Variants in SNAP91 observed in about 807,000 individuals in gnomAD.
SNAP91 encodes the protein clathrin coat assembly protein AP180.
Under a neutral mutation model 100.3 loss-of-function variants are expected in SNAP91, and 27 were observed. The ratio of observed to expected loss-of-function variants is 0.27; its 90% CI spans 0.20 to 0.37. The LOEUF (loss-of-function observed/expected upper bound fraction) is 0.37, where lower values mean the gene tolerates loss of function less well. Among genes scored for constraint, SNAP91 ranks in the 10% least tolerant of loss-of-function variants. The pLI, the probability that SNAP91 is intolerant of heterozygous loss-of-function variation, is 1.00. For missense variants in SNAP91, 986 were observed against 1,123.7 expected (o/e 0.88, Z 1.75); for synonymous variants, 404 against 398.6 (o/e 1.01, Z -0.16).
chr6:83,586,917 A>G (rs1171639578), intron 22 of SNAP91, among the ~76,000 whole-genome samples: 1 of 151,718 alleles, frequency 6.6e-6, no homozygotes, highest in African/African-American at 2.4e-5. Flanking sequence ...ACTATACTGC[A>G]TGCACCAAAC....
intron 10 of SNAP91, among the ~76,000 whole-genome samples, chr6:83,616,523 G>C (rs2096491882): frequency 6.6e-6 from 1 of 152,086 alleles, no homozygotes; most frequent in Non-Finnish European, 1.5e-5. Context: ...AATAGTTCAA[G>C]TAGGGAGATA....
At chr6:83,686,016 A>G (rs1312564602) in intron 2 of SNAP91, 1 of 215,842 alleles carries the variant, frequency 4.6e-6, no homozygotes, top group Non-Finnish European at 7.9e-6. Flanking sequence ...CTACAAGGAA[A>G]GCATTTTCAG....
intron 2 of SNAP91, among the ~76,000 whole-genome samples, chr6:83,666,493 G>A (rs146632696): frequency 2.8e-3 from 421 of 152,118 alleles, no homozygotes; most frequent in Non-Finnish European, 4.7e-3. Context: ...CCAGTTCCTA[G>A]GCAATCCCAT....
At position 83,694,508 on chromosome 6, in the gene SNAP91, G is replaced by A. The variant is rs575972611; in HGVS notation, c.130+13290C>T. 4.0e-4 allele frequency among the ~76,000 whole-genome samples: 61 copies of A among 152,204 alleles called. 1 individual carries two copies. The highest frequency in any genetic ancestry group is 3.4e-3 in the Middle Eastern group (1 of 294). ...GGTTGAGACTGACAATCATAATATC[G>A]TGCCATATACATGGGTCAACCATGA... On this transcript the variant is annotated intron_variant, in intron 2 of 29. Transcript: ENST00000369694.
intron 2 of SNAP91, among the ~76,000 whole-genome samples, chr6:83,700,058 T>C (rs924229580): frequency 3.3e-5 from 5 of 152,208 alleles, no homozygotes; most frequent in Admixed American, 6.5e-5. Flanking sequence ...TGTACAGCTT[T>C]AGGGGTTAAA....
intron 8 of SNAP91, among the ~76,000 whole-genome samples, chr6:83,637,428 G>A (rs2097505006): frequency 6.6e-6 from 1 of 152,108 alleles, no homozygotes; most frequent in Admixed American, 6.5e-5. Context: ...AGAATCCCTG[G>A]GCAGGGCAAT....
At chr6:83,691,146 A>T (rs1389321688) in intron 2 of SNAP91, among the ~76,000 whole-genome samples, 2 of 152,128 alleles carry the variant, frequency 1.3e-5, no homozygotes, top group African/African-American at 4.8e-5. Flanking sequence ...TAAGATTTTG[A>T]CAAGCTCTAT....
Position 83,580,593 on chromosome 6 carries a change from T to C in SNAP91, c.2156A>G (p.Asp719Gly), listed in dbSNP as rs1354313473. The change falls in exon 24 of 30, where the codon GAT becomes GGT. Residue 719 changes from aspartate (D) to glycine (G), a missense_variant. Physicochemically the swap from Asp to Gly is moderately conservative, Grantham distance 94. Transcript: ENST00000369694. Reference protein sequence around the residue: ...SSSSFDPSVFDGLGDLLMPTM... With the variant: ...SSSSFDPSVFGGLGDLLMPTM... ...TGGCATCAAAAGATCACCTAGACCA[T>C]CAAACACTGGAAATCAAATAGACTA... The C allele has an allele frequency of 6.2e-7, 1 of 1,602,156 alleles. No homozygotes were observed. The highest frequency in any genetic ancestry group is 8.5e-7 in the Non-Finnish European group (1 of 1,176,440).
chr6:83,592,589 A>C, intron 20 of SNAP91, 51 bp from the exon 21 acceptor site: 1 of 1,434,314 alleles, frequency 7.0e-7, no homozygotes, highest in South Asian at 1.2e-5. Context: ...AGGGAAAAGA[A>C]AACCATGAGC....
At chr6:83,578,041 G>A (rs1220845818) in intron 24 of SNAP91, among the ~76,000 whole-genome samples, 1 of 152,086 alleles carries the variant, frequency 6.6e-6, no homozygotes, top group East Asian at 1.9e-4. Context: ...GTTGTAGCAT[G>A]TATCAGTACT....
intron 10 of SNAP91, among the ~76,000 whole-genome samples, chr6:83,615,306 T>G (rs1449435529): frequency 1.3e-5 from 2 of 151,924 alleles, no homozygotes; most frequent in Non-Finnish European, 2.9e-5. Context: ...AGTGGAAGAG[T>G]GCAGAGAAGC....
At chr6:83,708,487 AAGG>A (rs2099412225) in intron 1 of SNAP91, 1 of 152,792 alleles carries the variant, frequency 6.5e-6, no homozygotes, top group African/African-American at 2.4e-5. Context: ...CTCAGTCGCG[AAGG>A]AGATTATCCT....
At chr6:83,626,288 A>T (rs565318122) in intron 8 of SNAP91, among the ~76,000 whole-genome samples, 23 of 152,066 alleles carry the variant, frequency 1.5e-4, no homozygotes, top group Non-Finnish European at 2.6e-4. Flanking sequence ...GAAGTCTGGT[A>T]ATGTGATGCT....
chr6:83,655,858 T>G (rs2098391368), intron 7 of SNAP91, among the ~76,000 whole-genome samples: 2 of 152,168 alleles, frequency 1.3e-5, no homozygotes, highest in African/African-American at 4.8e-5. Flanking sequence ...ACCCATGGAC[T>G]CTGGGGGAGT....
chr6:83,615,815 CCTAG>C, intron 10 of SNAP91, among the ~76,000 whole-genome samples: 1 of 152,070 alleles, frequency 6.6e-6, no homozygotes, highest in Admixed American at 6.6e-5. Flanking sequence ...AAGACACAAG[CCTAG>C]ATTCTGGGAG....
intron 26 of SNAP91, among the ~76,000 whole-genome samples, chr6:83,567,447 A>G (rs1798373172): frequency 6.6e-6 from 1 of 152,206 alleles, no homozygotes; most frequent in Non-Finnish European, 1.5e-5. Flanking sequence ...ATGGGCAAGG[A>G]CTTCATGTCT....
At chr6:83,688,698 T>A (rs1416811152) in intron 2 of SNAP91, among the ~76,000 whole-genome samples, 1 of 151,890 alleles carries the variant, frequency 6.6e-6, no homozygotes, top group Non-Finnish European at 1.5e-5. Context: ...AGAGACGGGG[T>A]TTCACCATGT....
intron 16 of SNAP91, among the ~76,000 whole-genome samples, chr6:83,596,429 T>C (rs1403829584): frequency 6.6e-6 from 1 of 151,864 alleles, no homozygotes; most frequent in South Asian, 2.1e-4. Flanking sequence ...CTGTAAATAT[T>C]TTGCCATGAG....
intron 26 of SNAP91, among the ~76,000 whole-genome samples, chr6:83,565,192 T>C (rs1214159141): frequency 6.6e-6 from 1 of 151,938 alleles, no homozygotes; most frequent in Non-Finnish European, 1.5e-5. Context: ...CTTTTCAGGC[T>C]TCAGTACATC....
Sources: gnomAD v4.1 joint callset for allele counts (sites outside exome capture counted in the v4.1 genomes callset) on GRCh38, gnomAD v4.1.1 for gene constraint, MANE v1.5 for transcripts, NCBI Gene and HGNC (gene_info 2026-07-23, HGNC 2026-07-21) for gene names.